Variants in SMIM1 observed in about 807,000 individuals in gnomAD.
SMIM1 encodes small integral membrane protein 1 (Vel blood group), also known as small integral membrane protein 1.
A neutral mutation model predicts 7.7 loss-of-function variants in SMIM1; 7 were observed. The ratio of observed to expected loss-of-function variants is 0.91; its 90% CI spans 0.52 to 1.71. The LOEUF (loss-of-function observed/expected upper bound fraction) is 1.71. Among genes scored for constraint, SMIM1 ranks in the 40% most tolerant of loss-of-function variants. SMIM1 has a pLI of 0.00. For missense variants in SMIM1, 95 were observed against 102.8 expected (o/e 0.92, Z 0.33); for synonymous variants, 41 against 42.7 (o/e 0.96, Z 0.16).
rs527672183 is a variant in SMIM1 at position 3,775,325 on chromosome 1, T to C, written c.-49T>C. 1.7e-5 allele frequency: 25 copies of C among 1,446,412 alleles called. No individual in the cohort carries two copies. Among genetic ancestry groups the C allele is most frequent in the East Asian group, 2.5e-5 (1 of 40,184 alleles). The allele number at this position is 1,446,412 out of a possible 1,614,324, so 89.6% of individuals were successfully genotyped here. ...GAAGCCACAGCCTGGCCACCTGTCT[T>C]GATCTCCCCACCGAGAAGGCCCCGC... On this transcript the variant is annotated 5_prime_UTR_variant, in exon 3 of 4. Coordinates refer to ENST00000642557, the MANE Select transcript of SMIM1 (RefSeq NM_001288583.2). The surrounding 1 kb of genome is among the most constrained non-coding windows in gnomAD (Gnocchi z 5.3).
Position 3,775,272 on chromosome 1 carries a change from GCCGCCCTCCAT to G in SMIM1, c.-75-22_-75-12del. ...AGCAGCCTCAGAGGGGGTCTTGACTGCCGCCCTCCATCCGCTTGTTTTACAGTGAAGCCACA... is the reference window on the plus strand; with the variant it reads ...AGCAGCCTCAGAGGGGGTCTTGACTGCCGCTTGTTTTACAGTGAAGCCACA... On this transcript the variant is annotated splice_polypyrimidine_tract_variant and intron_variant, in intron 2 of 3. Transcript: ENST00000642557. This position sits in a 1 kb window ranked among gnomAD's most constrained non-coding sequence, Gnocchi z 5.3. The G allele has an allele frequency of 1.2e-6, 1 of 838,518 alleles. No homozygotes were observed. The highest frequency in any genetic ancestry group is 1.8e-6 in the Non-Finnish European group (1 of 549,668). The allele number at this position is 838,518 out of a possible 1,614,324, so 51.9% of individuals were successfully genotyped here.
intron 2 of SMIM1, among the ~76,000 whole-genome samples, chr1:3,774,500 C>A (rs1442067631): frequency 1.3e-5 from 2 of 152,190 alleles, no homozygotes; most frequent in African/African-American, 4.8e-5. Context: ...CCCCTCTGGG[C>A]ACTTGGGCTG....
intron 2 of SMIM1, among the ~76,000 whole-genome samples, chr1:3,774,468 C>G (rs1439630317): frequency 1.3e-5 from 2 of 152,200 alleles, no homozygotes; most frequent in African/African-American, 4.8e-5. Context: ...GGAGTTCCTG[C>G]TCAGTCCCCG....
Position 3,775,530 on chromosome 1 carries a change from C to T in SMIM1, c.110+47C>T. 6.7e-7 allele frequency: 1 copy of T among 1,499,160 alleles called. No homozygotes were observed. The highest frequency in any genetic ancestry group is 9.0e-7 in the Non-Finnish European group (1 of 1,106,238). 92.9% of individuals were successfully genotyped at this position (1,499,160 alleles called of 1,614,324 possible). Reference sequence around the variant, plus strand: ...TGCCAGCCATAGCAGGCTGGTGTCTCCCTCCAGAGACGCCTGCCCTAACCC... The same window carrying T: ...TGCCAGCCATAGCAGGCTGGTGTCTTCCTCCAGAGACGCCTGCCCTAACCC... On this transcript the variant is annotated intron_variant, in intron 3 of 3. Transcript: ENST00000642557. The surrounding 1 kb of genome is among the most constrained non-coding windows in gnomAD (Gnocchi z 5.3).
At chr1:3,774,376 G>C (rs1331571593) in intron 2 of SMIM1, among the ~76,000 whole-genome samples, 1 of 152,098 alleles carries the variant, frequency 6.6e-6, no homozygotes. Context: ...GTAAATAGGA[G>C]GTCGAAACAG....
intron 2 of SMIM1, among the ~76,000 whole-genome samples, chr1:3,774,980 C>T (rs1643435847): frequency 6.6e-6 from 1 of 152,120 alleles, no homozygotes; most frequent in South Asian, 2.1e-4. Context: ...CCACAATGTC[C>T]TCGTCTCTTG....
Position 3,775,561 on chromosome 1 carries a change from A to C in SMIM1, c.110+78A>C, listed in dbSNP as rs550065076. 7.3e-7 allele frequency: 1 copy of C among 1,362,852 alleles called. No homozygotes were observed. The highest frequency in any genetic ancestry group is 1.4e-5 in the African/African-American group (1 of 69,244). 84.4% of individuals were successfully genotyped at this position (1,362,852 alleles called of 1,614,324 possible). On this transcript the variant is annotated intron_variant, in intron 3 of 3. Transcript: ENST00000642557. This position sits in a 1 kb window ranked among gnomAD's most constrained non-coding sequence, Gnocchi z 5.3. ...AGAGACGCCTGCCCTAACCCCTGCT[A>C]CCGGCCCCATCACCCTCCACCCCAT...
In SMIM1 at chr1:3,773,119, C is replaced by G. The variant is rs1557636205; in HGVS notation, c.-138C>G. ...ACCTGCCCCGCTGGGAGGTGCGGGCCGCTGGCCAGGCCCTGACCGCAACCT... is the reference window on the plus strand; with the variant it reads ...ACCTGCCCCGCTGGGAGGTGCGGGCGGCTGGCCAGGCCCTGACCGCAACCT... On this transcript the variant is annotated 5_prime_UTR_variant, in exon 2 of 4. Transcript: ENST00000642557. The G allele has an allele frequency of 6.6e-6, 1 of 152,296 alleles. No homozygotes were observed. Among genetic ancestry groups the G allele is most frequent in the Non-Finnish European group, 1.5e-5 (1 of 68,090 alleles). The allele number at this position is 152,296 out of a possible 1,614,324, so 9.4% of individuals were successfully genotyped here.
chr1:3,775,220 C>T lies in SMIM1; in HGVS notation c.-75-79C>T, dbSNP rs1643439714. ...GACAGACCCGGTGAGGGAGTCAGCC[C>T]CCGACCCTTAGTGCCCCTCTCCTAA... is the stretch of plus-strand genomic sequence containing the variant. On this transcript the variant is annotated intron_variant, in intron 2 of 3. Transcript: ENST00000642557. The surrounding 1 kb of genome is among the most constrained non-coding windows in gnomAD (Gnocchi z 5.3). 3.5e-6 allele frequency: 2 copies of T among 575,850 alleles called. No homozygotes were observed. The highest frequency in any genetic ancestry group is 6.2e-6 in the Non-Finnish European group (2 of 323,318). 35.7% of individuals were successfully genotyped at this position (575,850 alleles called of 1,614,324 possible).
chr1:3,774,393 G>C (rs747012227), intron 2 of SMIM1, among the ~76,000 whole-genome samples: 1 of 152,180 alleles, frequency 6.6e-6, no homozygotes, highest in Non-Finnish European at 1.5e-5. Context: ...ACAGAGGCCA[G>C]AGGGTAAAGG....
Position 3,775,660 on chromosome 1 carries a change from G to C in SMIM1, c.111-135G>C. The C allele has an allele frequency of 4.4e-6, 6 of 1,364,570 alleles. No homozygotes were observed. The highest frequency in any genetic ancestry group is 5.8e-6 in the Non-Finnish European group (6 of 1,027,794). The allele number at this position is 1,364,570 out of a possible 1,614,324, so 84.5% of individuals were successfully genotyped here. On this transcript the variant is annotated intron_variant, in intron 3 of 3. Transcript: ENST00000642557. This position sits in a 1 kb window ranked among gnomAD's most constrained non-coding sequence, Gnocchi z 5.3. Reference sequence around the variant, plus strand: ...GCCTTCCCTCTGGTTGGCTGTGGGCGGGGAGAGCTTCCTCTTGACTCCAGC... The same window carrying C: ...GCCTTCCCTCTGGTTGGCTGTGGGCCGGGAGAGCTTCCTCTTGACTCCAGC...
At chr1:3,774,875 C>T (rs921665190) in intron 2 of SMIM1, among the ~76,000 whole-genome samples, 2 of 152,094 alleles carry the variant, frequency 1.3e-5, no homozygotes, top group African/African-American at 4.8e-5. Flanking sequence ...CCCCACCCCC[C>T]CCTCCCCTGG....
chr1:3,775,897 C>G lies in SMIM1; in HGVS notation c.213C>G (p.Gly71=). 6.4e-7 allele frequency: 1 copy of G among 1,550,440 alleles called. No homozygotes were observed. The part of the protein sequence containing the change: ...WIIFILGYLT[G]YYVHKCK The stretch of plus-strand genomic sequence containing the variant: ...TCTTCATCCTGGGCTACCTCACAGG[C>G]TACTATGTGCACAAGTGCAAATAAA... The change falls in exon 4 of 4, where the codon GGC becomes GGG. Residue 71 remains glycine (G), a synonymous_variant. Transcript: ENST00000642557. The surrounding 1 kb of genome is among the most constrained non-coding windows in gnomAD (Gnocchi z 5.3).
Position 3,772,754 on chromosome 1 carries a change from C to G in SMIM1, c.-229C>G, listed in dbSNP as rs980209492. The G allele has an allele frequency of 3.3e-5, 5 of 152,480 alleles. No individual in the cohort carries two copies. The highest frequency in any genetic ancestry group is 9.6e-5 in the African/African-American group (4 of 41,452). The allele number at this position is 152,480 out of a possible 1,614,324, so 9.4% of individuals were successfully genotyped here. A position where few individuals can be genotyped will look rare whatever the true frequency, so the allele number is the denominator to read the frequency against. On this transcript the variant is annotated 5_prime_UTR_variant, in exon 1 of 4. Coordinates refer to ENST00000642557, the MANE Select transcript of SMIM1 (RefSeq NM_001288583.2). ...CCCGCCCTCGCCCCCTGCCCAGGCC[C>G]GGCCCCTGCGGAGCCCAGAGACGCG... is the stretch of plus-strand genomic sequence containing the variant.
intron 2 of SMIM1, 30 bp downstream of exon 2, chr1:3,773,211 G>GCACC (rs1412987638): frequency 7.9e-5 from 12 of 152,372 alleles, no homozygotes; most frequent in African/African-American, 2.9e-4. Flanking sequence ...GCGCTGTGGG[G>GCACC]TGAAGAGGTC....
In SMIM1 at chr1:3,775,570, AT is replaced by A; in HGVS notation, c.110+88del. 2.3e-6 allele frequency: 3 copies of A among 1,326,996 alleles called. No homozygotes were observed. Among genetic ancestry groups the A allele is most frequent in the Non-Finnish European group, 3.1e-6 (3 of 971,396 alleles). The allele number at this position is 1,326,996 out of a possible 1,614,324, so 82.2% of individuals were successfully genotyped here. A position where few individuals can be genotyped will look rare whatever the true frequency, so the allele number is the denominator to read the frequency against. On this transcript the variant is annotated intron_variant, in intron 3 of 3. Coordinates refer to ENST00000642557, the MANE Select transcript of SMIM1 (RefSeq NM_001288583.2). The surrounding 1 kb of genome is among the most constrained non-coding windows in gnomAD (Gnocchi z 5.3). ...TGCCCTAACCCCTGCTACCGGCCCC[AT>A]CACCCTCCACCCCATCCTGGCTGGG...
Position 3,775,214 on chromosome 1 carries a change from T to A in SMIM1, c.-75-85T>A. The A allele has an allele frequency of 1.9e-6, 1 of 521,266 alleles. No homozygotes were observed. Among genetic ancestry groups the A allele is most frequent in the Non-Finnish European group, 3.4e-6 (1 of 290,052 alleles). The allele number at this position is 521,266 out of a possible 1,614,324, so 32.3% of individuals were successfully genotyped here. A position where few individuals can be genotyped will look rare whatever the true frequency, so the allele number is the denominator to read the frequency against. On this transcript the variant is annotated intron_variant, in intron 2 of 3. Transcript: ENST00000642557. This position sits in a 1 kb window ranked among gnomAD's most constrained non-coding sequence, Gnocchi z 5.3. The stretch of plus-strand genomic sequence containing the variant: ...TCAGGCGACAGACCCGGTGAGGGAG[T>A]CAGCCCCCGACCCTTAGTGCCCCTC...
chr1:3,775,119 T>A lies in SMIM1; in HGVS notation c.-75-180T>A, dbSNP rs1055566338. On this transcript the variant is annotated intron_variant, in intron 2 of 3. Coordinates refer to ENST00000642557, the MANE Select transcript of SMIM1 (RefSeq NM_001288583.2). This position sits in a 1 kb window ranked among gnomAD's most constrained non-coding sequence, Gnocchi z 5.3. ...GCTTGGCCTGAGATGGAATTCTCGC[T>A]TGGTCCCATCCTCCCGGCCTGACCC... Among the ~76,000 whole-genome samples, 4 of 152,110 alleles carry A rather than the reference T, an allele frequency of 2.6e-5. No homozygotes were observed. The highest frequency in any genetic ancestry group is 9.7e-5 in the African/African-American group (4 of 41,418).
At chr1:3,774,875 C>A (rs921665190) in intron 2 of SMIM1, among the ~76,000 whole-genome samples, 1 of 152,094 alleles carries the variant, frequency 6.6e-6, no homozygotes, top group Non-Finnish European at 1.5e-5. Context: ...CCCCACCCCC[C>A]CCTCCCCTGG....
Sources: allele counts gnomAD v4.1 joint callset (sites outside exome capture counted in the v4.1 genomes callset), GRCh38; gene constraint gnomAD v4.1.1; non-coding constraint Gnocchi (gnomAD v3.1); transcripts MANE v1.5; gene names NCBI Gene and HGNC (gene_info 2026-07-23, HGNC 2026-07-21).